The following TASP1 variants were observed in gnomAD, a reference collection of about 807,000 sequenced individuals.
TASP1 encodes taspase 1.
TASP1 carries 16 observed loss-of-function variants against 56.6 expected under a neutral mutation model. That is an observed-to-expected ratio of 0.28 (90% CI 0.19 to 0.43). TASP1 has a LOEUF of 0.43. Ranked by LOEUF, TASP1 falls within the 20% of genes least tolerant of loss-of-function variation. TASP1 has a pLI of 1.00. For synonymous variants in TASP1, 179 were observed against 184.2 expected (o/e 0.97, Z 0.23); for missense variants, 393 against 511.6 (o/e 0.77, Z 2.24).
chr20:13,531,311 C>T (rs1490094141), intron 9 of TASP1, among the ~76,000 whole-genome samples: 2 of 152,006 alleles, frequency 1.3e-5, no homozygotes, highest in African/African-American at 4.8e-5. Context: ...TTACCTAGAT[C>T]GGAAGTCCAC....
At chr20:13,637,273 C>T (rs1262369832) in intron 1 of TASP1, among the ~76,000 whole-genome samples, 1 of 152,050 alleles carries the variant, frequency 6.6e-6, no homozygotes, top group East Asian at 1.9e-4. Context: ...AAATCAGAAC[C>T]CTTATAACCT....
the TASP1 span, among the ~76,000 whole-genome samples, chr20:13,363,684 A>G: frequency 1.3e-5 from 2 of 152,188 alleles, no homozygotes; most frequent in African/African-American, 2.4e-5. Flanking sequence ...TGAGCCTTCA[A>G]CCTGTGGGAT....
intron 10 of TASP1, among the ~76,000 whole-genome samples, chr20:13,517,983 C>T (rs1421055031): frequency 1.3e-5 from 2 of 152,186 alleles, no homozygotes; most frequent in East Asian, 1.9e-4. Context: ...AACAACCAAA[C>T]AGTCCAAAGA....
At chr20:13,238,353 A>C in the TASP1 span, among the ~76,000 whole-genome samples, 1 of 152,224 alleles carries the variant, frequency 6.6e-6, no homozygotes, top group Admixed American at 6.5e-5. Flanking sequence ...ACTTCAAACC[A>C]GAGGGCCACC....
At chr20:13,389,008 T>A (rs183800057), downstream of TASP1, among the ~76,000 whole-genome samples, 1 of 152,302 alleles carries the variant, frequency 6.6e-6, no homozygotes, top group Admixed American at 6.5e-5. Flanking sequence ...CTTTAGTATC[T>A]TCTTGATAAC....
At chr20:13,519,882 CA>C (rs2044674718) in intron 10 of TASP1, among the ~76,000 whole-genome samples, 2 of 152,200 alleles carry the variant, frequency 1.3e-5, no homozygotes, top group African/African-American at 4.8e-5. Flanking sequence ...CTCATTGTCT[CA>C]GCCCAAAATC....
chr20:13,341,926 G>A, the TASP1 span, among the ~76,000 whole-genome samples: 1 of 152,198 alleles, frequency 6.6e-6, no homozygotes, highest in African/African-American at 2.4e-5. Context: ...AGGCTAGCCT[G>A]GGCTGGTGGT....
the TASP1 span, among the ~76,000 whole-genome samples, chr20:13,110,746 A>G: frequency 6.6e-6 from 1 of 152,184 alleles, no homozygotes; most frequent in African/African-American, 2.4e-5. Flanking sequence ...GCCAGCGGGT[A>G]GGAATGGGCT....
the TASP1 span, among the ~76,000 whole-genome samples, chr20:13,293,955 C>A: frequency 1.3e-5 from 2 of 149,436 alleles, no homozygotes; most frequent in Admixed American, 1.3e-4. Context: ...GCTTGGGCAA[C>A]AAGAGTGAAA....
chr20:13,165,169 T>C, the TASP1 span: 50 of 253,118 alleles, frequency 2.0e-4, 1 homozygote, highest in African/African-American at 9.8e-4. Context: ...TAGCTGCTAC[T>C]GTGCAGACCC....
At chr20:13,628,711 T>G (rs6079126) in intron 2 of TASP1, among the ~76,000 whole-genome samples, 1 of 152,220 alleles carries the variant, frequency 6.6e-6, no homozygotes, top group Admixed American at 6.5e-5. Context: ...CAGGGAAAGT[T>G]AAAAGGAAAC....
chr20:13,399,819 T>TA (rs997721270), intron 13 of TASP1, among the ~76,000 whole-genome samples: 1 of 152,130 alleles, frequency 6.6e-6, no homozygotes, highest in Non-Finnish European at 1.5e-5. Flanking sequence ...TGACCATGGA[T>TA]AAAAAACTAT....
intron 12 of TASP1, among the ~76,000 whole-genome samples, chr20:13,429,634 GTC>G (rs201071870): frequency 0.037 from 5,644 of 151,448 alleles, 127 homozygotes; most frequent in African/African-American, 0.057. Flanking sequence ...GTGTGTGTGT[GTC>G]TGTCTGTGTG....
intron 10 of TASP1, among the ~76,000 whole-genome samples, chr20:13,525,770 T>C (rs1016081184): frequency 1.3e-5 from 2 of 152,020 alleles, no homozygotes; most frequent in African/African-American, 4.8e-5. Context: ...AACAGCCCCA[T>C]GAGAAACAAG....
chr20:13,305,057 CAT>C, the TASP1 span, among the ~76,000 whole-genome samples: 3 of 151,760 alleles, frequency 2.0e-5, no homozygotes, highest in African/African-American at 7.3e-5. Context: ...TTGATAATAA[CAT>C]AGTATTATTT....
At position 13,446,354 on chromosome 20, in the gene TASP1, G is replaced by A. The variant is rs111626868; in HGVS notation, c.986-11200C>T. Among the ~76,000 whole-genome samples the A allele has an allele frequency of 2.0e-4, 31 of 152,152 alleles. 3 individuals are homozygous for A. The highest frequency in any genetic ancestry group is 7.2e-4 in the African/African-American group (30 of 41,512). On this transcript the variant is annotated intron_variant, in intron 11 of 13. Transcript: ENST00000337743. ...AAAAGGAGGGGCTAGTTGGTATTCC[G>A]CTGATTGTTAACAGTTGGTATCCTT...
rs183331784 is a variant in TASP1, at chr20:13,638,368, C to A, written c.-75+526G>T. Among the ~76,000 whole-genome samples the A allele has an allele frequency of 3.4e-4, 51 of 152,124 alleles. No homozygotes were observed. The East Asian group carries it at 9.5e-3, about 28-fold the overall frequency. ...ACATCTCTAGCTCCTGCTTTCCCCC[C>A]CTCCTCTCCAGCTGCTCCATCTTCT... is the stretch of plus-strand genomic sequence containing the variant. On this transcript the variant is annotated intron_variant, in intron 1 of 13. Coordinates refer to ENST00000337743, the MANE Select transcript of TASP1 (RefSeq NM_017714.3).
the TASP1 span, among the ~76,000 whole-genome samples, chr20:13,215,182 T>C: frequency 6.6e-6 from 1 of 152,244 alleles, no homozygotes; most frequent in African/African-American, 2.4e-5. Context: ...CTTGTCCTGA[T>C]GCTGCTACCA....
chr20:13,498,417 G>A (rs1295043137), intron 10 of TASP1, among the ~76,000 whole-genome samples: 3 of 150,054 alleles, frequency 2.0e-5, no homozygotes, highest in Non-Finnish European at 4.4e-5. Flanking sequence ...GGAGTGCAGT[G>A]GTGCAATATT....
Sources: gnomAD v4.1 joint callset for allele counts (sites outside exome capture counted in the v4.1 genomes callset) on GRCh38, gnomAD v4.1.1 for gene constraint, MANE v1.5 for transcripts, NCBI Gene and HGNC (gene_info 2026-07-23, HGNC 2026-07-21) for gene names.